The following DUS2 variants were observed in gnomAD, a reference collection of about 807,000 sequenced individuals.
DUS2 encodes tRNA-dihydrouridine(20) synthase [NAD(P)+]-like.
Under a neutral mutation model 71.3 loss-of-function variants are expected in DUS2, and 52 were observed. The ratio of observed to expected loss-of-function variants is 0.73; its 90% CI spans 0.58 to 0.92. The LOEUF (loss-of-function observed/expected upper bound fraction) is 0.92, where lower values mean the gene tolerates loss of function less well. DUS2 is among the 40% of genes least tolerant of loss of function. The pLI is 0.00. For missense variants in DUS2, 558 were observed against 622.6 expected, an observed-to-expected ratio of 0.90 and a Z score of 1.10; for synonymous variants, 204 against 227.8, an observed-to-expected ratio of 0.90 and a Z score of 0.94.
intron 4 of DUS2, among the ~76,000 whole-genome samples, chr16:68,052,046 G>A (rs976926676): frequency 2.6e-5 from 4 of 151,920 alleles, no homozygotes; most frequent in African/African-American, 9.7e-5. Flanking sequence ...CTACAGGTGT[G>A]TGCCACCACA....
chr16:68,035,638 C>T (rs2151411948), intron 2 of DUS2, among the ~76,000 whole-genome samples: 1 of 151,200 alleles, frequency 6.6e-6, no homozygotes, highest in East Asian at 1.9e-4. Context: ...ATCCTCCTGC[C>T]TTGGCCTCCC....
chr16:68,052,645 C>CTTT (rs199978338), intron 4 of DUS2, among the ~76,000 whole-genome samples: 1 of 142,052 alleles, frequency 7.0e-6, no homozygotes, highest in Non-Finnish European at 1.5e-5. Context: ...CATGTATGGA[C>CTTT]TTTTTTTTTT....
At chr16:68,046,963 G>A (rs2033711241) in intron 3 of DUS2, among the ~76,000 whole-genome samples, 1 of 151,612 alleles carries the variant, frequency 6.6e-6, no homozygotes, top group Non-Finnish European at 1.5e-5. Context: ...TGTTAGCCAG[G>A]ATGGTCTTGA....
chr16:68,064,026 C>T (rs1014045328), intron 8 of DUS2, among the ~76,000 whole-genome samples: 17 of 152,198 alleles, frequency 1.1e-4, no homozygotes, highest in African/African-American at 4.1e-4. Flanking sequence ...GTACACTGTA[C>T]TTGGGCCATG....
At chr16:68,075,322 A>C (rs1439215335) in intron 13 of DUS2, 33 bp from the exon 14 acceptor site, 4 of 1,535,026 alleles carry the variant, frequency 2.6e-6, no homozygotes, top group Non-Finnish European at 3.5e-6. Flanking sequence ...GCTCCGCTAA[A>C]GTGTTTGCTC....
chr16:68,072,444 G>A (rs917991327), intron 12 of DUS2, among the ~76,000 whole-genome samples: 1 of 152,220 alleles, frequency 6.6e-6, no homozygotes, highest in East Asian at 1.9e-4. Context: ...TGGGTGAAAG[G>A]TGATATTATC....
At chr16:68,029,571 C>T (rs1445295553) in intron 2 of DUS2, among the ~76,000 whole-genome samples, 2 of 151,966 alleles carry the variant, frequency 1.3e-5, no homozygotes, top group Non-Finnish European at 2.9e-5. Context: ...CTCAGCCCCC[C>T]AAGTAGGTGG....
intron 8 of DUS2, 128 bp downstream of exon 8, chr16:68,061,241 G>A (rs924938349): frequency 2.1e-4 from 201 of 973,380 alleles, no homozygotes; most frequent in Non-Finnish European, 2.0e-4. Flanking sequence ...GAGGCCTAGC[G>A]ATTTCCAAAA....
intron 1 of DUS2, among the ~76,000 whole-genome samples, chr16:68,024,802 C>T (rs1397573774): frequency 1.3e-5 from 2 of 151,286 alleles, no homozygotes; most frequent in Non-Finnish European, 2.9e-5. Flanking sequence ...TGCCCTTTCC[C>T]TCCCACCATA....
At chr16:68,035,965 TTA>T (rs748674711) in intron 2 of DUS2, among the ~76,000 whole-genome samples, 50 of 140,276 alleles carry the variant, frequency 3.6e-4, no homozygotes, top group Non-Finnish European at 6.7e-4. Context: ...CACACATATG[TTA>T]TATATATATA....
At chr16:68,053,414 G>A in intron 4 of DUS2, 150 bp from the exon 5 acceptor site, 1 of 679,330 alleles carries the variant, frequency 1.5e-6, no homozygotes. Flanking sequence ...AGCCTCCCAT[G>A]TGCATAGTTA....
At chr16:68,056,469 T>C in intron 7 of DUS2, 45 bp downstream of exon 7, 1 of 1,515,836 alleles carries the variant, frequency 6.6e-7, no homozygotes, top group South Asian at 1.1e-5. Flanking sequence ...GGATGCAGAT[T>C]AAGAGGCTGA....
At chr16:68,037,535 A>G (rs1184336285) in intron 2 of DUS2, among the ~76,000 whole-genome samples, 1 of 150,548 alleles carries the variant, frequency 6.6e-6, no homozygotes, top group Non-Finnish European at 1.5e-5. Context: ...CTCCTGCCTC[A>G]GCCTCCTGAG....
intron 2 of DUS2, among the ~76,000 whole-genome samples, chr16:68,029,598 C>T (rs2033408331): frequency 6.6e-6 from 1 of 151,956 alleles, no homozygotes; most frequent in African/African-American, 2.4e-5. Flanking sequence ...AGGCCTGCAC[C>T]ACCATACCCG....
Position 68,054,617 on chromosome 16 carries a change from T to C in DUS2, c.308T>C (p.Val103Ala), listed in dbSNP as rs551305810. 1 of 1,614,168 alleles carries C rather than the reference T, an allele frequency of 6.2e-7. No homozygotes were observed. Among genetic ancestry groups the C allele is most frequent in the African/African-American group, 1.3e-5 (1 of 75,038 alleles). Residue 103 changes from valine to alanine, a missense_variant and splice_region_variant, in exon 6 of 17, where the codon GTA (valine) becomes GCA (alanine). Val to Ala is a moderately conservative substitution (Grantham distance 64, BLOSUM62 0). Coordinates refer to ENST00000565263, the MANE Select transcript of DUS2 (RefSeq NM_017803.5). ...CGAGCCCTTGCTGTGGCCAGGCTTG[T>C]GTAAGTTCATCCTCTGTCTTTAGCA... ...AERALAVARL[V>A]ENDVAGIDVN...
At chr16:68,029,443 T>G (rs1193769429) in intron 2 of DUS2, among the ~76,000 whole-genome samples, 1 of 151,808 alleles carries the variant, frequency 6.6e-6, no homozygotes, top group Non-Finnish European at 1.5e-5. Flanking sequence ...ACCTGGTGTA[T>G]TTACACTTTT....
chr16:68,040,836 A>C (rs557477150), intron 3 of DUS2, among the ~76,000 whole-genome samples: 2 of 151,516 alleles, frequency 1.3e-5, no homozygotes, highest in South Asian at 2.1e-4. Flanking sequence ...GGCGGGGGGG[A>C]GTTGATGTGA....
intron 5 of DUS2, chr16:68,054,087 G>A (rs2033817198): frequency 1.0e-5 from 2 of 193,234 alleles, no homozygotes; most frequent in Admixed American, 1.1e-4. Context: ...TCTCGCTTTG[G>A]GCATTTCTTG....
intron 2 of DUS2, among the ~76,000 whole-genome samples, chr16:68,032,528 G>T (rs974300144): frequency 5.3e-5 from 8 of 152,202 alleles, no homozygotes; most frequent in Admixed American, 2.0e-4. Context: ...TTGATTTTCT[G>T]TAGGGACGTA....
Sources: allele counts gnomAD v4.1 joint callset (sites outside exome capture counted in the v4.1 genomes callset), GRCh38; gene constraint gnomAD v4.1.1; transcripts MANE v1.5; gene names NCBI Gene and HGNC (gene_info 2026-07-23, HGNC 2026-07-21).